Variants in ARHGAP35 observed in about 807,000 individuals in gnomAD.
The protein encoded by ARHGAP35 is Rho GTPase activating protein 35, also known as rho GTPase-activating protein 35.
A neutral mutation model predicts 111.1 loss-of-function variants in ARHGAP35; 15 were observed. The observed-to-expected ratio is 0.13, with a 90% CI of 0.09 to 0.21. ARHGAP35 has a LOEUF of 0.21. Ranked by LOEUF, ARHGAP35 falls within the 10% of genes least tolerant of loss-of-function variation. The pLI is 1.00. For missense variants in ARHGAP35, 1,262 were observed against 1,873.0 expected, an observed-to-expected ratio of 0.67 and a Z score of 6.02; for synonymous variants, 643 against 710.3, an observed-to-expected ratio of 0.91 and a Z score of 1.51.
intron 3 of ARHGAP35, among the ~76,000 whole-genome samples, chr19:46,954,506 G>A (rs553237344): frequency 6.6e-6 from 1 of 152,246 alleles, no homozygotes; most frequent in Non-Finnish European, 1.5e-5. Flanking sequence ...GCCGTGGTCT[G>A]AAGAGATGAG....
chr19:46,977,616 G>T (rs1287477490), intron 3 of ARHGAP35, among the ~76,000 whole-genome samples: 2 of 152,150 alleles, frequency 1.3e-5, no homozygotes, highest in Non-Finnish European at 1.5e-5. Flanking sequence ...TGAACTCAGG[G>T]GTCTACCAGG....
chr19:46,943,546 C>G (rs1433836667), intron 3 of ARHGAP35, among the ~76,000 whole-genome samples: 1 of 152,196 alleles, frequency 6.6e-6, no homozygotes, highest in Non-Finnish European at 1.5e-5. Flanking sequence ...CCATCTCTCT[C>G]TCTTGCTCAT....
rs1599819526 is a variant in ARHGAP35 at position 46,921,529 on chromosome 19, CAT to C, written c.2857_2858del (p.Met953ValfsTer3). 6.2e-7 allele frequency: 1 copy of C among 1,613,998 alleles called. No homozygotes were observed. Among genetic ancestry groups the C allele is most frequent in the Non-Finnish European group, 8.5e-7 (1 of 1,179,898 alleles). ...VEKKNIIEAT[H>X]MYDNAAEACS... ...AAAAAAGAACATAATCGAGGCTACTCATATGTACGATAATGCTGCCGAGGCCT... is the reference window on the plus strand; with the variant it reads ...AAAAAAGAACATAATCGAGGCTACTCATGTACGATAATGCTGCCGAGGCCT... On this transcript the variant is annotated frameshift_variant, in exon 2 of 7. Transcript: ENST00000672722. LOFTEE classifies it high-confidence loss of function. This position sits in a 1 kb window ranked among gnomAD's most constrained non-coding sequence, Gnocchi z 4.3.
chr19:46,865,057 G>A (rs1488859638), intron 1 of ARHGAP35, among the ~76,000 whole-genome samples: 2 of 152,206 alleles, frequency 1.3e-5, no homozygotes, highest in Non-Finnish European at 2.9e-5. Context: ...GGTAACCGAT[G>A]TTCTTAAAGA....
chr19:46,996,800 GT>G (rs1344804300), intron 5 of ARHGAP35, among the ~76,000 whole-genome samples: 1 of 152,164 alleles, frequency 6.6e-6, no homozygotes, highest in Non-Finnish European at 1.5e-5. Flanking sequence ...AGTTTACTTT[GT>G]TTATGTAAAC....
chr19:46,952,673 G>A (rs997120158), intron 3 of ARHGAP35, among the ~76,000 whole-genome samples: 1 of 152,170 alleles, frequency 6.6e-6, no homozygotes, highest in Non-Finnish European at 1.5e-5. Flanking sequence ...GTTTTGTTGT[G>A]TTGTGTTTTG....
Position 46,989,379 on chromosome 19 carries a change from A to G in ARHGAP35, c.3905-165A>G. 2.4e-6 allele frequency: 2 copies of G among 840,306 alleles called. No individual in the cohort carries two copies. Among genetic ancestry groups the G allele is most frequent in the South Asian group, 1.8e-5 (1 of 56,836 alleles). 52.1% of individuals were successfully genotyped at this position (840,306 alleles called of 1,614,324 possible). A position where few individuals can be genotyped will look rare whatever the true frequency, so the allele number is the denominator to read the frequency against. Reference sequence around the variant, plus strand: ...TGGGGCCAGCCCATGCCTGAACCTCAGAACTCGCGTTAGCGCTCACAAGTC... The same window carrying G: ...TGGGGCCAGCCCATGCCTGAACCTCGGAACTCGCGTTAGCGCTCACAAGTC... On this transcript the variant is annotated intron_variant, in intron 4 of 6. Transcript: ENST00000672722. This position sits in a 1 kb window ranked among gnomAD's most constrained non-coding sequence, Gnocchi z 5.3.
chr19:46,929,658 A>G lies in ARHGAP35; in HGVS notation c.3681+7302A>G, dbSNP rs545354628. On this transcript the variant is annotated intron_variant, in intron 2 of 6. Transcript: ENST00000672722. ...GCCGGGCACAGTGGCTCACACCTGT[A>G]ATCCCAGCACTTTGGGAGGCCGAGG... is the stretch of plus-strand genomic sequence containing the variant. 1.5e-4 allele frequency among the ~76,000 whole-genome samples: 21 copies of G among 141,440 alleles called. No homozygotes were observed. In the East Asian group the frequency reaches 4.4e-3, roughly 30 times the overall value. The allele number at this position is 141,440 out of a possible 152,430, so 92.8% of individuals were successfully genotyped here. A position where few individuals can be genotyped will look rare whatever the true frequency, so the allele number is the denominator to read the frequency against.
At chr19:46,904,286 TG>T (rs2056095058) in intron 1 of ARHGAP35, among the ~76,000 whole-genome samples, 1 of 152,204 alleles carries the variant, frequency 6.6e-6, no homozygotes, top group Admixed American at 6.5e-5. Flanking sequence ...TGCCTTCCAG[TG>T]GCTTTCATTC....
intron 5 of ARHGAP35, chr19:46,997,714 T>A (rs1046371548): frequency 6.6e-6 from 1 of 152,210 alleles, no homozygotes; most frequent in African/African-American, 2.4e-5. Flanking sequence ...CAAGTCTCAC[T>A]CTCACCAGGG....
rs113263139 is a variant in ARHGAP35, at chr19:46,973,754, G to A, written c.3827-14235G>A. 2.0e-4 allele frequency among the ~76,000 whole-genome samples: 31 copies of A among 151,808 alleles called. 1 individual carries two copies. Among genetic ancestry groups the A allele is most frequent in the African/African-American group, 7.2e-4 (30 of 41,392 alleles). On this transcript the variant is annotated intron_variant, in intron 3 of 6. Transcript: ENST00000672722. ...TGTAATCCCAGCACTTTGGGAGGCC[G>A]ATGCAGGTGGATCACAAGGTCAGGA...
At position 46,999,077 on chromosome 19, in the gene ARHGAP35, G is replaced by A. The variant is rs1048228094; in HGVS notation, c.4037-227G>A. On this transcript the variant is annotated intron_variant, in intron 5 of 6. Coordinates refer to ENST00000672722, the MANE Select transcript of ARHGAP35 (RefSeq NM_004491.5). The surrounding 1 kb of genome is among the most constrained non-coding windows in gnomAD (Gnocchi z 5.4). ...GGGGCCAGGAAGCCCCAGGCACACA[G>A]TGCCGCCCTTCAGCGGGGGCCTGGG... is the stretch of plus-strand genomic sequence containing the variant. 3.6e-6 allele frequency: 2 copies of A among 552,462 alleles called. No homozygotes were observed. Among genetic ancestry groups the A allele is most frequent in the African/African-American group, 3.8e-5 (2 of 53,244 alleles). The allele number at this position is 552,462 out of a possible 1,614,324, so 34.2% of individuals were successfully genotyped here.
At chr19:46,968,631 A>C (rs1361247544) in intron 3 of ARHGAP35, among the ~76,000 whole-genome samples, 1 of 152,230 alleles carries the variant, frequency 6.6e-6, no homozygotes, top group Non-Finnish European at 1.5e-5. Flanking sequence ...ATACAGTAGA[A>C]TATTATTCGG....
At position 46,986,764 on chromosome 19, in the gene ARHGAP35, T is replaced by G. The variant is rs116791646; in HGVS notation, c.3827-1225T>G. 3.1e-3 allele frequency among the ~76,000 whole-genome samples: 466 copies of G among 152,348 alleles called. 3 individuals carry two copies. Among genetic ancestry groups the G allele is most frequent in the African/African-American group, 0.011 (447 of 41,576 alleles). On this transcript the variant is annotated intron_variant, in intron 3 of 6. Transcript: ENST00000672722. This position sits in a 1 kb window ranked among gnomAD's most constrained non-coding sequence, Gnocchi z 4.3. ...ATATTCACAAAGTAAGAAATACCTA[T>G]TTCCAGTAATCTGTTAAGCTTTTAC...
chr19:46,987,376 C>G (rs796232424), intron 3 of ARHGAP35, among the ~76,000 whole-genome samples: 4 of 151,784 alleles, frequency 2.6e-5, no homozygotes, highest in African/African-American at 9.7e-5. Context: ...CCACCACACC[C>G]AGCTGATTTT....
At chr19:46,932,415 G>A (rs1030095387) in intron 2 of ARHGAP35, among the ~76,000 whole-genome samples, 6 of 152,176 alleles carry the variant, frequency 3.9e-5, no homozygotes, top group Admixed American at 2.6e-4. Flanking sequence ...TGGATGTTGG[G>A]TGTTGTTACT....
At chr19:46,885,531 C>T (rs1306765680) in intron 1 of ARHGAP35, among the ~76,000 whole-genome samples, 1 of 152,084 alleles carries the variant, frequency 6.6e-6, no homozygotes, top group Non-Finnish European at 1.5e-5. Context: ...CACCTCCCTC[C>T]TCTCTCTCTG....
intron 2 of ARHGAP35, among the ~76,000 whole-genome samples, chr19:46,932,239 G>A (rs771309292): frequency 5.3e-5 from 8 of 152,200 alleles, no homozygotes; most frequent in African/African-American, 1.2e-4. Flanking sequence ...CCAAGATTGC[G>A]CTACGGCACT....
At chr19:46,880,088 A>AAAATAAAT (rs112300759) in intron 1 of ARHGAP35, among the ~76,000 whole-genome samples, 37 of 151,704 alleles carry the variant, frequency 2.4e-4, no homozygotes, top group South Asian at 1.7e-3. Flanking sequence ...AATGTCTCAA[A>AAAATAAAT]AAATAAATAA....
Sources: allele counts gnomAD v4.1 joint callset (sites outside exome capture counted in the v4.1 genomes callset), GRCh38; gene constraint gnomAD v4.1.1; non-coding constraint Gnocchi (gnomAD v3.1); transcripts MANE v1.5; gene names NCBI Gene and HGNC (gene_info 2026-07-23, HGNC 2026-07-21).